ACOT11: variants seen among roughly 807,000 people sequenced by gnomAD.
ACOT11 encodes acyl-CoA thioesterase 11.
A neutral mutation model predicts 77.5 loss-of-function variants in ACOT11; 69 were observed. The ratio of observed to expected loss-of-function variants is 0.89; its 90% CI spans 0.73 to 1.09. ACOT11 has a LOEUF of 1.09. Ranked by LOEUF, ACOT11 falls within the 50% of genes least tolerant of loss-of-function variation. The pLI is 0.00. For missense variants in ACOT11, 766 were observed against 813.7 expected, an observed-to-expected ratio of 0.94 and a Z score of 0.71; for synonymous variants, 279 against 313.0, an observed-to-expected ratio of 0.89 and a Z score of 1.15.
At chr1:54,586,004 G>A (rs1654485379) in intron 3 of ACOT11, 100 bp downstream of exon 3, 2 of 1,277,468 alleles carry the variant, frequency 1.6e-6, no homozygotes, top group African/African-American at 1.5e-5. Flanking sequence ...GTGCTGCCTA[G>A]AGCCTGACTC....
intron 1 of ACOT11, among the ~76,000 whole-genome samples, chr1:54,567,117 G>A (rs1653760054): frequency 6.6e-6 from 1 of 152,094 alleles, no homozygotes; most frequent in African/African-American, 2.4e-5. Context: ...CCAGGCCTGA[G>A]TTCCTTGATT....
In ACOT11 at chr1:54,584,285, T is replaced by A. The variant is rs540192276; in HGVS notation, c.34-370T>A. ...ATGGAGCTCTCTAGGCCTCCCTGCA[T>A]AGAGAGGCGACTCTTTCCAGAATGA... is the stretch of plus-strand genomic sequence containing the variant. On this transcript the variant is annotated intron_variant, in intron 1 of 15. Coordinates refer to ENST00000343744, the MANE Select transcript of ACOT11 (RefSeq NM_147161.4). This position sits in a 1 kb window ranked among gnomAD's most constrained non-coding sequence, Gnocchi z 6.3. 2.3e-3 allele frequency among the ~76,000 whole-genome samples: 130 copies of A among 55,838 alleles called. No individual in the cohort carries two copies. Among genetic ancestry groups the A allele is most frequent in the African/African-American group, 4.8e-3 (122 of 25,202 alleles). The allele number at this position is 55,838 out of a possible 152,430, so 36.6% of individuals were successfully genotyped here.
At chr1:54,568,209 C>A (rs556787836) in intron 1 of ACOT11, among the ~76,000 whole-genome samples, 1 of 152,268 alleles carries the variant, frequency 6.6e-6, no homozygotes, top group South Asian at 2.1e-4. Flanking sequence ...GATTACACAG[C>A]CTAAAGAAGC....
chr1:54,574,072 A>G (rs1654018493), intron 1 of ACOT11, among the ~76,000 whole-genome samples: 1 of 151,954 alleles, frequency 6.6e-6, no homozygotes. Flanking sequence ...GCTTGGCCAC[A>G]TTAATTAAAT....
intron 9 of ACOT11, 105 bp downstream of exon 9, chr1:54,601,518 G>A: frequency 6.7e-7 from 1 of 1,493,712 alleles, no homozygotes; most frequent in Non-Finnish European, 8.9e-7. Flanking sequence ...AGGCGTGAGG[G>A]GCCCACCCTA....
intron 8 of ACOT11, among the ~76,000 whole-genome samples, chr1:54,600,183 G>A (rs1301147057): frequency 6.6e-6 from 1 of 152,166 alleles, no homozygotes; most frequent in Admixed American, 6.5e-5. Flanking sequence ...ACTTGCACAC[G>A]TTCTGCCACG....
intron 3 of ACOT11, among the ~76,000 whole-genome samples, chr1:54,586,730 G>T (rs1654514930): frequency 6.6e-6 from 1 of 152,066 alleles, no homozygotes; most frequent in Non-Finnish European, 1.5e-5. Flanking sequence ...CACCACACCT[G>T]GCCTTTTCTT....
At chr1:54,610,757 A>G (rs733035), downstream of ACOT11, 583,805 of 983,996 alleles carry the variant, frequency 0.59, 173,942 homozygotes, top group Middle Eastern at 0.61. Flanking sequence ...CAAAGTTGCC[A>G]GGAGTGGAAC....
At chr1:54,620,439 C>T (rs2101025059) in intron 15 of ACOT11, among the ~76,000 whole-genome samples, 1 of 152,350 alleles carries the variant, frequency 6.6e-6, no homozygotes, top group Non-Finnish European at 1.5e-5. Context: ...GGCATGGTGG[C>T]TCATGCCTGT....
intron 15 of ACOT11, among the ~76,000 whole-genome samples, chr1:54,626,033 G>A (rs1430612487): frequency 6.6e-6 from 1 of 151,840 alleles, no homozygotes; most frequent in Non-Finnish European, 1.5e-5. Context: ...GGCTGAGGCG[G>A]GCGGATCACT....
chr1:54,589,718 T>A (rs991844819), intron 3 of ACOT11, among the ~76,000 whole-genome samples: 30 of 152,106 alleles, frequency 2.0e-4, no homozygotes, highest in African/African-American at 7.0e-4. Context: ...AATTCCTAGC[T>A]TCAAGTGATC....
At chr1:54,603,805 C>A in intron 10 of ACOT11, 66 bp from the exon 11 acceptor site, 1 of 1,450,008 alleles carries the variant, frequency 6.9e-7, no homozygotes, top group South Asian at 1.1e-5. Context: ...AGTAGGCCTG[C>A]AGTAGAGTCT....
chr1:54,603,794 G>A, intron 10 of ACOT11, 77 bp from the exon 11 acceptor site: 2 of 1,372,834 alleles, frequency 1.5e-6, no homozygotes, highest in Non-Finnish European at 2.1e-6. Context: ...GCCTAGCACA[G>A]AGTAGGCCTG....
At chr1:54,572,591 G>A (rs1245815181) in intron 1 of ACOT11, among the ~76,000 whole-genome samples, 2 of 152,220 alleles carry the variant, frequency 1.3e-5, no homozygotes, top group East Asian at 1.9e-4. Flanking sequence ...ACACGGAAAG[G>A]GCGGGTCATT....
chr1:54,559,164 T>C (rs955196601), intron 1 of ACOT11, among the ~76,000 whole-genome samples: 3 of 152,234 alleles, frequency 2.0e-5, no homozygotes, highest in Admixed American at 2.0e-4. Flanking sequence ...GCCCTTGTCT[T>C]GGCTAGCGGG....
chr1:54,610,149 T>A lies in ACOT11; in HGVS notation c.*1037T>A, dbSNP rs1644100538. On this transcript the variant is annotated 3_prime_UTR_variant, in exon 16 of 16. Transcript: ENST00000343744. ...GAAACTCTTGTTTCAGCTCTTGGCC[T>A]TTACCCATGACTCAGCCTGGGGGCT... 1.2e-5 allele frequency: 17 copies of A among 1,432,872 alleles called. No individual in the cohort carries two copies. In the South Asian group the frequency reaches 2.3e-4, roughly 19 times the overall value. The allele number at this position is 1,432,872 out of a possible 1,614,324, so 88.8% of individuals were successfully genotyped here.
intron 1 of ACOT11, among the ~76,000 whole-genome samples, chr1:54,569,727 C>G (rs1653871371): frequency 3.3e-5 from 5 of 152,192 alleles, no homozygotes. Flanking sequence ...TTCCCATAAA[C>G]AACTATTAAG....
chr1:54,553,177 T>C (rs545883778), intron 1 of ACOT11, among the ~76,000 whole-genome samples: 2 of 152,234 alleles, frequency 1.3e-5, no homozygotes, highest in South Asian at 4.1e-4. Flanking sequence ...CAAAATTTTA[T>C]TTTAATATGC....
chr1:54,632,576 G>A (rs1183654777), intron 16 of ACOT11, among the ~76,000 whole-genome samples: 1 of 152,222 alleles, frequency 6.6e-6, no homozygotes, highest in Non-Finnish European at 1.5e-5. Context: ...TCCTGGTTGT[G>A]CCGTATGTGG....
Sources: gnomAD v4.1 joint callset for allele counts (sites outside exome capture counted in the v4.1 genomes callset) on GRCh38, gnomAD v4.1.1 for gene constraint, Gnocchi (gnomAD v3.1) non-coding constraint, MANE v1.5 for transcripts, NCBI Gene and HGNC (gene_info 2026-07-23, HGNC 2026-07-21) for gene names.